Variants in DLG2 observed in about 807,000 individuals in gnomAD.
DLG2 encodes the protein discs large MAGUK scaffold protein 2.
DLG2 carries 45 observed loss-of-function variants against 132.5 expected under a neutral mutation model. The ratio of observed to expected loss-of-function variants is 0.34; its 90% CI spans 0.27 to 0.44. The LOEUF (loss-of-function observed/expected upper bound fraction) is 0.44, where lower values mean the gene tolerates loss of function less well. Ranked by LOEUF, DLG2 falls within the 20% of genes least tolerant of loss-of-function variation. DLG2 has a pLI of 1.00. For missense variants in DLG2, 1,045 were observed against 1,196.9 expected (o/e 0.87, Z 1.87); for synonymous variants, 424 against 419.6 (o/e 1.01, Z -0.13).
At chr11:85,458,427 T>C (rs1005156147) in intron 3 of DLG2, among the ~76,000 whole-genome samples, 2 of 152,222 alleles carry the variant, frequency 1.3e-5, no homozygotes, top group East Asian at 3.9e-4. Flanking sequence ...CTGAATTCTA[T>C]TTCTGTCATT....
chr11:83,995,036 G>A (rs554156974), intron 11 of DLG2, among the ~76,000 whole-genome samples: 32 of 146,688 alleles, frequency 2.2e-4, no homozygotes, highest in African/African-American at 6.4e-4. Flanking sequence ...CTACCAGTAC[G>A]ACCTCATCTT....
intron 8 of DLG2, among the ~76,000 whole-genome samples, chr11:84,229,940 T>C (rs1345533751): frequency 4.6e-5 from 7 of 152,224 alleles, no homozygotes; most frequent in Non-Finnish European, 1.0e-4. Context: ...TTTCTCATTA[T>C]AAACATTTAA....
chr11:85,002,561 C>A (rs1260440482), intron 6 of DLG2, among the ~76,000 whole-genome samples: 1 of 152,040 alleles, frequency 6.6e-6, no homozygotes, highest in Non-Finnish European at 1.5e-5. Context: ...CTGGTAGAAC[C>A]ATGTGCTGGT....
At chr11:84,989,114 T>C (rs2056820022) in intron 6 of DLG2, among the ~76,000 whole-genome samples, 1 of 151,994 alleles carries the variant, frequency 6.6e-6, no homozygotes, top group Non-Finnish European at 1.5e-5. Flanking sequence ...AAAAATGAAA[T>C]AGTATAACAA....
In DLG2 at chr11:83,639,163, AG is replaced by A. The variant is rs2065680274; in HGVS notation, c.1826-5839del. On this transcript the variant is annotated intron_variant, in intron 18 of 27. Transcript: ENST00000376104. ...AAGAAAACAATACACTCAGTGGGTT[AG>A]GCAATAGCATGAGGCCATGGCCTGC... Among the ~76,000 whole-genome samples the A allele has an allele frequency of 2.6e-5, 4 of 152,324 alleles. No individual in the cohort carries two copies. The East Asian group carries it at 7.8e-4, about 30-fold the overall frequency.
At chr11:84,498,226 A>T (rs534413219) in intron 7 of DLG2, among the ~76,000 whole-genome samples, 3 of 152,228 alleles carry the variant, frequency 2.0e-5, no homozygotes, top group African/African-American at 7.2e-5. Flanking sequence ...CTAAATTCTC[A>T]GAAATGCCTA....
Position 84,459,102 on chromosome 11 carries a change from A to T in DLG2, c.519+75468T>A, listed in dbSNP as rs747107795. Among the ~76,000 whole-genome samples the T allele has an allele frequency of 1.3e-5, 2 of 150,596 alleles. 1 individual carries two copies. The highest frequency in any genetic ancestry group is 3.0e-5 in the Non-Finnish European group (2 of 66,978). On this transcript the variant is annotated intron_variant, in intron 7 of 27. Transcript: ENST00000376104. ...ACTACTCTTTTTTTTTGCTAATATG[A>T]CATGGATCTAACAATTTTTCAGCAC...
chr11:84,880,405 A>G (rs1336022605), intron 6 of DLG2, among the ~76,000 whole-genome samples: 1 of 152,148 alleles, frequency 6.6e-6, no homozygotes, highest in East Asian at 1.9e-4. Flanking sequence ...TATGTCAGTC[A>G]CCATACACCT....
At chr11:83,817,482 CTT>C (rs530943221) in intron 17 of DLG2, among the ~76,000 whole-genome samples, 6 of 152,008 alleles carry the variant, frequency 3.9e-5, no homozygotes, top group Admixed American at 3.3e-4. Context: ...GGAATTGAGA[CTT>C]TATTTGGATG....
At chr11:85,379,175 G>A (rs77396527) in intron 3 of DLG2, among the ~76,000 whole-genome samples, 34 of 152,202 alleles carry the variant, frequency 2.2e-4, no homozygotes, top group South Asian at 4.2e-4. Flanking sequence ...ATGAAAATGC[G>A]GAGAAGAGTG....
At chr11:83,463,878 C>T (rs2090523673) in intron 26 of DLG2, among the ~76,000 whole-genome samples, 1 of 152,210 alleles carries the variant, frequency 6.6e-6, no homozygotes, top group Non-Finnish European at 1.5e-5. Context: ...TTACTGATTA[C>T]AGCAATGACT....
intron 6 of DLG2, among the ~76,000 whole-genome samples, chr11:84,734,759 A>T (rs1426385298): frequency 6.6e-6 from 1 of 152,184 alleles, no homozygotes; most frequent in African/African-American, 2.4e-5. Context: ...ATTCAGCAAG[A>T]TATTGGCTGT....
intron 19 of DLG2, among the ~76,000 whole-genome samples, chr11:83,550,869 C>G (rs2096373520): frequency 6.6e-6 from 1 of 152,118 alleles, no homozygotes; most frequent in Non-Finnish European, 1.5e-5. Context: ...GTAGATCAAG[C>G]TTTGATATTC....
At chr11:84,144,442 T>C (rs1376643511) in intron 9 of DLG2, among the ~76,000 whole-genome samples, 5 of 152,142 alleles carry the variant, frequency 3.3e-5, no homozygotes, top group African/African-American at 2.4e-5. Flanking sequence ...GTAAGAATCA[T>C]GGAATTTGCT....
At chr11:83,956,806 T>G (rs1437276942) in intron 14 of DLG2, among the ~76,000 whole-genome samples, 1 of 152,224 alleles carries the variant, frequency 6.6e-6, no homozygotes. Flanking sequence ...TTCGAGAGCT[T>G]GTTCCTAATG....
intron 3 of DLG2, among the ~76,000 whole-genome samples, chr11:85,316,025 C>A (rs899734730): frequency 6.6e-6 from 1 of 151,974 alleles, no homozygotes; most frequent in Admixed American, 6.6e-5. Context: ...CAATTCATAA[C>A]AGGAAAAACT....
At chr11:83,589,455 C>G (rs1278712144) in intron 19 of DLG2, among the ~76,000 whole-genome samples, 1 of 151,734 alleles carries the variant, frequency 6.6e-6, no homozygotes, top group Non-Finnish European at 1.5e-5. Flanking sequence ...GATTTTGTCA[C>G]CAGCAGGCCT....
At chr11:84,411,156 A>C (rs980056691) in intron 7 of DLG2, among the ~76,000 whole-genome samples, 1 of 152,212 alleles carries the variant, frequency 6.6e-6, no homozygotes, top group Non-Finnish European at 1.5e-5. Flanking sequence ...TAAAGACTGC[A>C]GAATTTTACT....
At chr11:84,114,737 T>C (rs1415045658) in intron 9 of DLG2, among the ~76,000 whole-genome samples, 1 of 152,006 alleles carries the variant, frequency 6.6e-6, no homozygotes, top group African/African-American at 2.4e-5. Flanking sequence ...CAGGCTGGAG[T>C]GCAGTGGCAC....
Sources: gnomAD v4.1 joint callset for allele counts (sites outside exome capture counted in the v4.1 genomes callset) on GRCh38, gnomAD v4.1.1 for gene constraint, MANE v1.5 for transcripts, NCBI Gene and HGNC (gene_info 2026-07-23, HGNC 2026-07-21) for gene names.